GANC: variants seen among roughly 807,000 people sequenced by gnomAD.
The protein encoded by GANC is neutral alpha-glucosidase C.
A neutral mutation model predicts 124.2 loss-of-function variants in GANC; 117 were observed. The observed-to-expected ratio is 0.94, with a 90% confidence interval of 0.81 to 1.10. GANC has a LOEUF of 1.10. Among genes scored for constraint, GANC ranks in the 50% least tolerant of loss-of-function variants. The pLI, the probability that GANC is intolerant of heterozygous loss-of-function variation, is 0.00. For synonymous variants in GANC, 377 were observed against 376.8 expected (o/e 1.00, Z -0.01); for missense variants, 1,140 against 1,095.0 (o/e 1.04, Z -0.58).
At chr15:42,339,018 G>A (rs927851572) in intron 16 of GANC, among the ~76,000 whole-genome samples, 14 of 152,118 alleles carry the variant, frequency 9.2e-5, no homozygotes, top group Admixed American at 3.9e-4. Flanking sequence ...GTAGATGAGC[G>A]ATCTCAATAT....
chr15:42,292,679 A>T, intron 4 of GANC, 56 bp from the exon 5 acceptor site: 2 of 1,518,564 alleles, frequency 1.3e-6, no homozygotes, highest in Non-Finnish European at 1.8e-6. Flanking sequence ...TACAAATCAC[A>T]TAGGGCCATG....
chr15:42,341,911 T>G (rs925852614), intron 18 of GANC, among the ~76,000 whole-genome samples: 15 of 152,158 alleles, frequency 9.9e-5, no homozygotes, highest in African/African-American at 3.4e-4. Context: ...GGTCTCAGTT[T>G]AATAGTCACT....
At chr15:42,309,400 A>G (rs1004647377) in intron 8 of GANC, among the ~76,000 whole-genome samples, 2 of 151,092 alleles carry the variant, frequency 1.3e-5, no homozygotes, top group Non-Finnish European at 3.0e-5. Flanking sequence ...GCTCACTGCA[A>G]CCTCTGCCTC....
intron 22 of GANC, among the ~76,000 whole-genome samples, chr15:42,349,932 A>G (rs1219059228): frequency 1.3e-5 from 2 of 150,894 alleles, no homozygotes; most frequent in Non-Finnish European, 2.9e-5. Context: ...TACAGGTGTG[A>G]GCCACCGTGC....
rs1324626639 is a variant in GANC at position 42,321,953 on chromosome 15, C to T, written c.1226C>T (p.Thr409Ile). ...CACACTGAGGGCAAGAGGTACTTCA[C>T]CTGGGACAAAAACAGATTCCCAAAC... The part of the protein sequence containing the change: ...IEHTEGKRYF[T>I]WDKNRFPNPK... Residue 409 changes from threonine to isoleucine, a missense_variant, in exon 11 of 24, where the codon ACC becomes ATC. Thr to Ile is a moderately conservative substitution (Grantham distance 89). Transcript: ENST00000318010. 1.2e-6 allele frequency: 2 copies of T among 1,613,996 alleles called. No homozygotes were observed. Among genetic ancestry groups the T allele is most frequent in the South Asian group, 1.1e-5 (1 of 91,070 alleles).
chr15:42,328,841 A>G (rs1301786620), intron 13 of GANC, among the ~76,000 whole-genome samples: 1 of 152,230 alleles, frequency 6.6e-6, no homozygotes, highest in African/African-American at 2.4e-5. Flanking sequence ...ATGTTAACAA[A>G]CAGGTATATT....
intron 10 of GANC, among the ~76,000 whole-genome samples, chr15:42,319,941 T>C (rs1315668066): frequency 6.6e-6 from 1 of 152,138 alleles, no homozygotes; most frequent in East Asian, 1.9e-4. Flanking sequence ...TCCCAGCACT[T>C]TGGGGAGCCA....
At chr15:42,342,441 G>A (rs190200034) in intron 18 of GANC, among the ~76,000 whole-genome samples, 32 of 152,172 alleles carry the variant, frequency 2.1e-4, no homozygotes, top group African/African-American at 7.7e-4. Flanking sequence ...AATTAGCTGG[G>A]CACGTTGGGT....
intron 11 of GANC, among the ~76,000 whole-genome samples, chr15:42,326,045 G>C (rs577820455): frequency 1.3e-5 from 2 of 152,314 alleles, no homozygotes; most frequent in African/African-American, 4.8e-5. Context: ...GGTGTGAGCC[G>C]CTGTGCCTGG....
chr15:42,283,573 AG>A (rs1423311785), intron 3 of GANC: 5 of 692,716 alleles, frequency 7.2e-6, no homozygotes, highest in Non-Finnish European at 1.3e-5. Flanking sequence ...CTCATGATAT[AG>A]GTGACCATTT....
At position 42,353,171 on chromosome 15, in the gene GANC, A is replaced by G; in HGVS notation, c.*1032A>G. ...GTCGTGTCATGGTGCCCAAGGCTCCACAGACCTCAGTGGCTCCCTGCTGCC... is the reference window on the plus strand; with the variant it reads ...GTCGTGTCATGGTGCCCAAGGCTCCGCAGACCTCAGTGGCTCCCTGCTGCC... On this transcript the variant is annotated 3_prime_UTR_variant, in exon 24 of 24. Transcript: ENST00000318010. 4.1e-6 allele frequency: 4 copies of G among 985,954 alleles called. No individual in the cohort carries two copies. The highest frequency in any genetic ancestry group is 4.8e-6 in the Non-Finnish European group (4 of 830,038). The allele number at this position is 985,954 out of a possible 1,614,324, so 61.1% of individuals were successfully genotyped here.
In GANC at chr15:42,308,137, T is replaced by C. The variant is rs529109463; in HGVS notation, c.626-85T>C. ...CCAGGTCTCTCAGCCTTTAGTCTAGTCATCTCTCTGCACTCAGAATTAACT... is the reference window on the plus strand; with the variant it reads ...CCAGGTCTCTCAGCCTTTAGTCTAGCCATCTCTCTGCACTCAGAATTAACT... On this transcript the variant is annotated intron_variant, in intron 7 of 23. Coordinates refer to ENST00000318010, the MANE Select transcript of GANC (RefSeq NM_198141.3). 1,017 of 784,984 alleles carry C rather than the reference T, an allele frequency of 1.3e-3. 2 individuals are homozygous for C. The highest frequency in any genetic ancestry group is 1.1e-3 in the Non-Finnish European group (506 of 474,474). The allele number at this position is 784,984 out of a possible 1,614,324, so 48.6% of individuals were successfully genotyped here.
In GANC at chr15:42,352,404, G is replaced by A. The variant is rs185996646; in HGVS notation, c.*265G>A. 1.7e-6 allele frequency: 2 copies of A among 1,205,738 alleles called. No individual in the cohort carries two copies. Among genetic ancestry groups the A allele is most frequent in the Admixed American group, 3.7e-5 (1 of 27,108 alleles). The allele number at this position is 1,205,738 out of a possible 1,614,324, so 74.7% of individuals were successfully genotyped here. On this transcript the variant is annotated 3_prime_UTR_variant, in exon 24 of 24. Coordinates refer to ENST00000318010, the MANE Select transcript of GANC (RefSeq NM_198141.3). ...AGCCCTGAGACATTTATAGCGTTCA[G>A]GAGTCTTCTATTGCTTCCATTCCTT...
intron 3 of GANC, among the ~76,000 whole-genome samples, chr15:42,282,646 C>T (rs1490804396): frequency 6.6e-6 from 1 of 152,112 alleles, no homozygotes; most frequent in Non-Finnish European, 1.5e-5. Flanking sequence ...TTGGAGTTGT[C>T]AAGATTTGTT....
rs2051696674 is a variant in GANC, at chr15:42,278,357, T to A, written c.93-125T>A. On this transcript the variant is annotated intron_variant, in intron 2 of 23. Transcript: ENST00000318010. ...TAGCACTTTATTATAGTACTAATAC[T>A]GTTTGTGCCCTGAAATTCACTGAAT... The A allele has an allele frequency of 6.5e-6, 4 of 615,900 alleles. No individual in the cohort carries two copies. The Admixed American group carries it at 1.2e-4, about 19-fold the overall frequency. The allele number at this position is 615,900 out of a possible 1,614,324, so 38.2% of individuals were successfully genotyped here. A position where few individuals can be genotyped will look rare whatever the true frequency, so the allele number is the denominator to read the frequency against.
chr15:42,280,869 C>G (rs8037020), intron 3 of GANC: 1 of 689,904 alleles, frequency 1.4e-6, no homozygotes. Context: ...TACTGTAGAT[C>G]AGTTTCTCTT....
At chr15:42,300,402 A>G (rs2051934097) in intron 6 of GANC, among the ~76,000 whole-genome samples, 1 of 152,224 alleles carries the variant, frequency 6.6e-6, no homozygotes, top group Non-Finnish European at 1.5e-5. Flanking sequence ...CCACAATGAG[A>G]TACCATCTCA....
At chr15:42,326,045 G>T (rs577820455) in intron 11 of GANC, among the ~76,000 whole-genome samples, 1 of 152,196 alleles carries the variant, frequency 6.6e-6, no homozygotes, top group East Asian at 1.9e-4. Flanking sequence ...GGTGTGAGCC[G>T]CTGTGCCTGG....
Position 42,349,363 on chromosome 15 carries a change from C to A in GANC, c.2419-20C>A, listed in dbSNP as rs1226334057. The A allele has an allele frequency of 6.5e-6, 9 of 1,386,910 alleles. No homozygotes were observed. Among genetic ancestry groups the A allele is most frequent in the Non-Finnish European group, 9.2e-6 (9 of 972,982 alleles). The allele number at this position is 1,386,910 out of a possible 1,614,324, so 85.9% of individuals were successfully genotyped here. A position where few individuals can be genotyped will look rare whatever the true frequency, so the allele number is the denominator to read the frequency against. ...AAGCTATCATATAAGCACATTCTGT[C>A]TCTGTGATTCATTCTCCAGGGTTCT... is the stretch of plus-strand genomic sequence containing the variant. On this transcript the variant is annotated intron_variant, in intron 21 of 23. Transcript: ENST00000318010.
Sources: allele counts gnomAD v4.1 joint callset (sites outside exome capture counted in the v4.1 genomes callset), GRCh38; gene constraint gnomAD v4.1.1; transcripts MANE v1.5; gene names NCBI Gene and HGNC (gene_info 2026-07-23, HGNC 2026-07-21).